Variants in SORCS3 observed in about 807,000 individuals in gnomAD.
SORCS3 encodes the protein sortilin related VPS10 domain containing receptor 3.
In SORCS3, 57 loss-of-function variants were observed where a neutral mutation model predicts 146.3. That is an observed-to-expected ratio of 0.39 (90% confidence interval 0.31 to 0.49). SORCS3 has a LOEUF of 0.49. SORCS3 is among the 20% of genes least tolerant of loss of function. The probability of loss-of-function intolerance (pLI) is 0.92; values close to 1 mark genes in which losing one functional copy is unlikely to be tolerated. For synonymous variants in SORCS3, 653 were observed against 618.5 expected (o/e 1.06, Z -0.83); for missense variants, 1,341 against 1,575.5 (o/e 0.85, Z 2.52).
chr10:105,227,527 T>C (rs2056741100), intron 20 of SORCS3, among the ~76,000 whole-genome samples: 1 of 152,168 alleles, frequency 6.6e-6, no homozygotes, highest in Admixed American at 6.5e-5. Flanking sequence ...CTCTAGCTCT[T>C]GGATAAAATG....
chr10:105,066,629 G>T (rs2055524544), intron 5 of SORCS3, among the ~76,000 whole-genome samples: 1 of 152,160 alleles, frequency 6.6e-6, no homozygotes, highest in Non-Finnish European at 1.5e-5. Flanking sequence ...GGAAGAAAGA[G>T]AATCATAATA....
intron 3 of SORCS3, among the ~76,000 whole-genome samples, chr10:104,931,057 T>C (rs1194673430): frequency 6.6e-6 from 1 of 152,194 alleles, no homozygotes; most frequent in Non-Finnish European, 1.5e-5. Context: ...GCCTGGGCAA[T>C]TATTGCTCTT....
intron 1 of SORCS3, among the ~76,000 whole-genome samples, chr10:104,839,704 T>C (rs1240604164): frequency 6.6e-6 from 1 of 152,118 alleles, no homozygotes; most frequent in African/African-American, 2.4e-5. Flanking sequence ...AAGGCAGAAG[T>C]AATATTCACA....
chr10:105,225,425 G>A (rs1564789199), intron 20 of SORCS3, among the ~76,000 whole-genome samples: 3 of 151,632 alleles, frequency 2.0e-5, no homozygotes, highest in Admixed American at 6.6e-5. Context: ...CTATTTATTT[G>A]GTTCCATTGG....
intron 3 of SORCS3, among the ~76,000 whole-genome samples, chr10:104,963,630 C>T (rs1236430960): frequency 6.6e-6 from 1 of 152,106 alleles, no homozygotes; most frequent in East Asian, 1.9e-4. Context: ...ACTCTGATGT[C>T]TCCTAGATTC....
intron 1 of SORCS3, among the ~76,000 whole-genome samples, chr10:104,722,192 T>G (rs1564667648): frequency 6.6e-6 from 1 of 152,204 alleles, no homozygotes; most frequent in South Asian, 2.1e-4. Flanking sequence ...CATGAAGGGT[T>G]GTTGAATTTT....
At chr10:104,772,946 A>G (rs577515658) in intron 1 of SORCS3, among the ~76,000 whole-genome samples, 1 of 152,340 alleles carries the variant, frequency 6.6e-6, no homozygotes, top group East Asian at 1.9e-4. Flanking sequence ...TTTAGGGAGG[A>G]AGACATATTC....
chr10:104,896,414 T>C (rs1422106628), intron 2 of SORCS3, among the ~76,000 whole-genome samples: 1 of 152,184 alleles, frequency 6.6e-6, no homozygotes, highest in Non-Finnish European at 1.5e-5. Flanking sequence ...CAAGGACAAA[T>C]GCCAGGATAG....
rs184957167 is a variant in SORCS3, at chr10:105,185,715, T to G, written c.2009+7542T>G. On this transcript the variant is annotated intron_variant, in intron 14 of 26. Coordinates refer to ENST00000369701, the MANE Select transcript of SORCS3 (RefSeq NM_014978.3). The stretch of plus-strand genomic sequence containing the variant: ...TATCACTTTGATTCAGATTTTTAAA[T>G]AAAATATACAGGAAATCCTAGATAG... Among the ~76,000 whole-genome samples the G allele has an allele frequency of 1.9e-3, 283 of 152,292 alleles. 1 individual carries two copies. Among genetic ancestry groups the G allele is most frequent in the Non-Finnish European group, 2.1e-3 (140 of 68,018 alleles).
intron 7 of SORCS3, among the ~76,000 whole-genome samples, chr10:105,125,677 ATC>A (rs72484466): frequency 0.023 from 3,389 of 149,196 alleles, 96 homozygotes; most frequent in East Asian, 0.15. Flanking sequence ...ATCACTGAAT[ATC>A]CACACACACA....
At chr10:104,700,251 C>T (rs1423937699) in intron 1 of SORCS3, among the ~76,000 whole-genome samples, 1 of 152,160 alleles carries the variant, frequency 6.6e-6, no homozygotes, top group Admixed American at 6.5e-5. Flanking sequence ...AAACCTTAAC[C>T]AAATGAAAAA....
intron 1 of SORCS3, among the ~76,000 whole-genome samples, chr10:104,818,820 T>C (rs1488719804): frequency 5.3e-5 from 8 of 152,106 alleles, no homozygotes; most frequent in Admixed American, 5.2e-4. Flanking sequence ...CATGCCTGCT[T>C]CTAAGCTGGT....
At chr10:104,850,392 G>T (rs1290784685) in intron 2 of SORCS3, among the ~76,000 whole-genome samples, 1 of 152,164 alleles carries the variant, frequency 6.6e-6, no homozygotes, top group East Asian at 1.9e-4. Context: ...AGACCAGCCA[G>T]GGAAACATGG....
intron 17 of SORCS3, among the ~76,000 whole-genome samples, chr10:105,212,536 C>T (rs1305266858): frequency 1.3e-5 from 2 of 152,176 alleles, no homozygotes; most frequent in Non-Finnish European, 2.9e-5. Flanking sequence ...TTCATAGGAT[C>T]ATGTGACATG....
chr10:105,090,818 A>G (rs1400701100), intron 6 of SORCS3, among the ~76,000 whole-genome samples: 1 of 152,090 alleles, frequency 6.6e-6, no homozygotes, highest in African/African-American at 2.4e-5. Flanking sequence ...AATATTAGAG[A>G]AACTGAAAAA....
intron 1 of SORCS3, among the ~76,000 whole-genome samples, chr10:104,709,852 A>G (rs898074286): frequency 4.6e-5 from 7 of 150,918 alleles, no homozygotes; most frequent in Non-Finnish European, 7.4e-5. Flanking sequence ...AATGTGTCCA[A>G]TTTGGTGAAG....
chr10:104,759,224 T>C (rs185072211), intron 1 of SORCS3, among the ~76,000 whole-genome samples: 13 of 152,294 alleles, frequency 8.5e-5, no homozygotes, highest in Admixed American at 1.3e-4. Context: ...GGCCAGAGGC[T>C]GGAAAAGATA....
chr10:104,865,732 C>T (rs1397406416), intron 2 of SORCS3, among the ~76,000 whole-genome samples: 1 of 152,194 alleles, frequency 6.6e-6, no homozygotes, highest in Admixed American at 6.5e-5. Flanking sequence ...CAAAAGGGAC[C>T]TTAAAGAAAC....
At chr10:105,227,069 C>A (rs2119680192) in intron 20 of SORCS3, among the ~76,000 whole-genome samples, 1 of 151,826 alleles carries the variant, frequency 6.6e-6, no homozygotes, top group East Asian at 1.9e-4. Context: ...CTCCTCTGAT[C>A]TTTATTATTT....
Sources: gnomAD v4.1 joint callset for allele counts (sites outside exome capture counted in the v4.1 genomes callset) on GRCh38, gnomAD v4.1.1 for gene constraint, MANE v1.5 for transcripts, NCBI Gene and HGNC (gene_info 2026-07-23, HGNC 2026-07-21) for gene names.